The following LRMDA variants were observed in gnomAD, a reference collection of about 807,000 sequenced individuals.
LRMDA encodes the protein leucine rich melanocyte differentiation associated, also known as leucine-rich melanocyte differentiation-associated protein.
In LRMDA, 18 loss-of-function variants were observed where a neutral mutation model predicts 29.8. That is an observed-to-expected ratio of 0.60 (90% confidence interval 0.42 to 0.90). LRMDA has a LOEUF of 0.90. Among genes scored for constraint, LRMDA ranks in the 40% least tolerant of loss-of-function variants. LRMDA has a pLI of 0.00. For missense variants in LRMDA, 273 were observed against 273.9 expected (o/e 1.00, Z 0.02); for synonymous variants, 125 against 109.4 (o/e 1.14, Z -0.89).
chr10:76,101,490 A>G (rs1278259349), intron 5 of LRMDA, among the ~76,000 whole-genome samples: 2 of 152,250 alleles, frequency 1.3e-5, no homozygotes, highest in African/African-American at 2.4e-5. Flanking sequence ...TAATCCCAAC[A>G]CTTTGGGAGG....
intron 2 of LRMDA, among the ~76,000 whole-genome samples, chr10:75,709,400 ATG>A (rs969874049): frequency 2.0e-5 from 3 of 150,240 alleles, no homozygotes; most frequent in African/African-American, 4.9e-5. Flanking sequence ...GTGTGTGTGC[ATG>A]TGTGTGTGTC....
chr10:76,314,753 A>G (rs944936157), intron 5 of LRMDA, among the ~76,000 whole-genome samples: 3 of 152,220 alleles, frequency 2.0e-5, no homozygotes, highest in Admixed American at 2.0e-4. Context: ...AAACCTTAAT[A>G]ATTACTTCTT....
chr10:76,356,605 C>T (rs1035868081), intron 6 of LRMDA, among the ~76,000 whole-genome samples: 3 of 152,172 alleles, frequency 2.0e-5, no homozygotes, highest in Admixed American at 2.0e-4. Flanking sequence ...TTACTCTCTT[C>T]ATTGGAAAGC....
intron 5 of LRMDA, among the ~76,000 whole-genome samples, chr10:76,069,074 T>C (rs1264278983): frequency 1.3e-5 from 2 of 152,248 alleles, no homozygotes; most frequent in African/African-American, 4.8e-5. Context: ...CCCAGACAGC[T>C]GTTGGATCCG....
At chr10:76,030,512 A>G (rs944323834) in intron 2 of LRMDA, among the ~76,000 whole-genome samples, 56 of 152,326 alleles carry the variant, frequency 3.7e-4, no homozygotes, top group African/African-American at 1.1e-3. Context: ...ATAAAAATGT[A>G]TAGGTATAAA....
intron 2 of LRMDA, among the ~76,000 whole-genome samples, chr10:75,573,433 C>A (rs1840461912): frequency 6.6e-6 from 1 of 151,994 alleles, no homozygotes; most frequent in Admixed American, 6.6e-5. Context: ...TGTGATGGAT[C>A]TTATTATGTC....
intron 2 of LRMDA, among the ~76,000 whole-genome samples, chr10:76,017,087 A>G (rs985828082): frequency 1.3e-5 from 2 of 152,260 alleles, no homozygotes; most frequent in African/African-American, 4.8e-5. Context: ...AAGCGCTCAT[A>G]CTGGAGCAGG....
intron 2 of LRMDA, among the ~76,000 whole-genome samples, chr10:75,610,937 AAACTT>A (rs1182454237): frequency 1.3e-5 from 2 of 152,068 alleles, no homozygotes; most frequent in Non-Finnish European, 2.9e-5. Context: ...GTTCTGGTGG[AAACTT>A]AATGTGTGTG....
At chr10:75,907,918 GCTCTGAGCATGA>G (rs1202669756) in intron 2 of LRMDA, among the ~76,000 whole-genome samples, 3 of 152,172 alleles carry the variant, frequency 2.0e-5, no homozygotes, top group Admixed American at 6.5e-5. Context: ...TGGCATGGTG[GCTCTGAGCATGA>G]CTCTTGGGCA....
chr10:76,527,038 A>T (rs1249274878), intron 6 of LRMDA, among the ~76,000 whole-genome samples: 1 of 131,032 alleles, frequency 7.6e-6, no homozygotes, highest in African/African-American at 2.9e-5. Flanking sequence ...GCCCTAAATT[A>T]TCAGGTCTGA....
At chr10:75,553,483 G>A (rs1840177343) in intron 2 of LRMDA, among the ~76,000 whole-genome samples, 1 of 152,168 alleles carries the variant, frequency 6.6e-6, no homozygotes, top group Admixed American at 6.5e-5. Flanking sequence ...GAAGCTTGTG[G>A]TGTGGTGGAG....
chr10:75,609,751 C>G (rs1409905852), intron 2 of LRMDA, among the ~76,000 whole-genome samples: 1 of 152,184 alleles, frequency 6.6e-6, no homozygotes, highest in Non-Finnish European at 1.5e-5. Flanking sequence ...CAGGTGGAAC[C>G]AGGCTGCGAT....
chr10:75,762,947 G>C (rs556816614), intron 2 of LRMDA, among the ~76,000 whole-genome samples: 5 of 152,168 alleles, frequency 3.3e-5, no homozygotes, highest in Non-Finnish European at 5.9e-5. Context: ...CACAAGGAAA[G>C]GAAGCTTCAT....
At chr10:76,294,252 T>A (rs55877629) in intron 5 of LRMDA, among the ~76,000 whole-genome samples, 25,683 of 152,196 alleles carry the variant, frequency 0.17, 2,385 homozygotes, top group Non-Finnish European at 0.23. Flanking sequence ...TAGTTCTTAG[T>A]TTCTCTTTTT....
intron 2 of LRMDA, among the ~76,000 whole-genome samples, chr10:75,472,796 C>T (rs1462802188): frequency 1.3e-5 from 2 of 152,170 alleles, no homozygotes; most frequent in Non-Finnish European, 2.9e-5. Flanking sequence ...CTGCCTTTTG[C>T]CCTGAGCTAG....
chr10:75,957,257 A>T (rs1242906504), intron 2 of LRMDA, among the ~76,000 whole-genome samples: 1 of 152,178 alleles, frequency 6.6e-6, no homozygotes, highest in Non-Finnish European at 1.5e-5. Context: ...CTGTAAGAGG[A>T]TGCTTGGCTT....
intron 2 of LRMDA, among the ~76,000 whole-genome samples, chr10:75,686,737 G>A (rs1025264860): frequency 2.0e-5 from 3 of 152,122 alleles, no homozygotes; most frequent in Non-Finnish European, 4.4e-5. Flanking sequence ...GTTTTATTGA[G>A]CTTTGTTTTA....
chr10:76,221,709 A>G (rs546370579), intron 5 of LRMDA, among the ~76,000 whole-genome samples: 2 of 152,324 alleles, frequency 1.3e-5, no homozygotes, highest in African/African-American at 4.8e-5. Flanking sequence ...TAATTTATAG[A>G]TTCAATGCCA....
At chr10:76,071,429 A>G (rs991936722) in intron 5 of LRMDA, among the ~76,000 whole-genome samples, 1 of 152,192 alleles carries the variant, frequency 6.6e-6, no homozygotes, top group African/African-American at 2.4e-5. Flanking sequence ...ATTTTTAGTC[A>G]TGGGATGTTT....
Sources: gnomAD v4.1 joint callset for allele counts (sites outside exome capture counted in the v4.1 genomes callset) on GRCh38, gnomAD v4.1.1 for gene constraint, MANE v1.5 for transcripts, NCBI Gene and HGNC (gene_info 2026-07-23, HGNC 2026-07-21) for gene names.